The following SLCO3A1 variants were observed in gnomAD, a reference collection of about 807,000 sequenced individuals.
The protein encoded by SLCO3A1 is PGE1 transporter.
A neutral mutation model predicts 63.1 loss-of-function variants in SLCO3A1; 27 were observed. The observed-to-expected ratio is 0.43, with a 90% confidence interval of 0.32 to 0.59. The LOEUF is 0.59. Ranked by LOEUF, SLCO3A1 falls within the 20% of genes least tolerant of loss-of-function variation. The pLI, the probability that SLCO3A1 is intolerant of heterozygous loss-of-function variation, is 0.09. For synonymous variants in SLCO3A1, 473 were observed against 409.9 expected, an observed-to-expected ratio of 1.15 and a Z score of -1.86; for missense variants, 773 against 945.8, an observed-to-expected ratio of 0.82 and a Z score of 2.40.
Position 91,854,022 on chromosome 15 carries a change from C to T in SLCO3A1, c.114C>T (p.Asn38=). Residue 38 remains asparagine (N), a synonymous_variant, in exon 1 of 10, where the codon AAC becomes AAT. Transcript: ENST00000318445. The surrounding 1 kb of genome is among the most constrained non-coding windows in gnomAD (Gnocchi z 6.4). ...KKKKKVSCFS[N]IKIFLVSECA... ...AAAAGAAGGTGTCCTGCTTTTCCAA[C>T]ATCAAGATCTTCCTGGTGTCCGAGT... 6.5e-7 allele frequency: 1 copy of T among 1,545,074 alleles called. No individual in the cohort carries two copies. Among genetic ancestry groups the T allele is most frequent in the Non-Finnish European group, 8.7e-7 (1 of 1,144,568 alleles).
intron 2 of SLCO3A1, among the ~76,000 whole-genome samples, chr15:91,963,989 G>A (rs142585385): frequency 1.3e-5 from 2 of 152,048 alleles, no homozygotes; most frequent in Non-Finnish European, 2.9e-5. Context: ...TTTACAAAGT[G>A]CTGATTGGTG....
chr15:91,933,069 C>G (rs1402376255), intron 2 of SLCO3A1, among the ~76,000 whole-genome samples: 1 of 152,142 alleles, frequency 6.6e-6, no homozygotes, highest in Non-Finnish European at 1.5e-5. Context: ...GAGGAAAAAT[C>G]CTCCCCAATT....
chr15:92,143,985 G>C (rs1054109055), intron 7 of SLCO3A1, among the ~76,000 whole-genome samples: 1 of 152,212 alleles, frequency 6.6e-6, no homozygotes, highest in Non-Finnish European at 1.5e-5. Flanking sequence ...TGGGCATGGC[G>C]CCTCCACTGG....
At chr15:91,998,088 T>C (rs781224735) in intron 2 of SLCO3A1, among the ~76,000 whole-genome samples, 2 of 152,224 alleles carry the variant, frequency 1.3e-5, no homozygotes, top group African/African-American at 2.4e-5. Flanking sequence ...TTTCAAACTA[T>C]GCATTCGACA....
rs1897088764 is a variant in SLCO3A1, at chr15:91,863,213, A to G, written c.180+9125A>G. ...TAATCTCTTTGTTGGCTTTTGGGTC[A>G]GAGAATTGTTTAAAGTAGATCCACA... On this transcript the variant is annotated intron_variant, in intron 1 of 9. Transcript: ENST00000318445. This position sits in a 1 kb window ranked among gnomAD's most constrained non-coding sequence, Gnocchi z 4.3. Among the ~76,000 whole-genome samples the G allele has an allele frequency of 1.3e-5, 2 of 152,250 alleles. No individual in the cohort carries two copies. Among genetic ancestry groups the G allele is most frequent in the South Asian group, 4.1e-4 (2 of 4,834 alleles).
rs150901692 is a variant in SLCO3A1, at chr15:92,020,631, G to A, written c.647-74250G>A. On this transcript the variant is annotated intron_variant, in intron 2 of 9. Transcript: ENST00000318445. ...TGAGGAGGATGGATAGACAGTAAGAGGGATGGCACCGTGCATGCACCACCC... is the reference window on the plus strand; with the variant it reads ...TGAGGAGGATGGATAGACAGTAAGAAGGATGGCACCGTGCATGCACCACCC... Among the ~76,000 whole-genome samples, 403 of 152,322 alleles carry A rather than the reference G, an allele frequency of 2.6e-3. 1 individual carries two copies. The highest frequency in any genetic ancestry group is 9.1e-3 in the African/African-American group (380 of 41,576).
At chr15:92,143,560 A>T (rs541136874) in intron 7 of SLCO3A1, among the ~76,000 whole-genome samples, 1 of 126,332 alleles carries the variant, frequency 7.9e-6, no homozygotes, top group East Asian at 2.3e-4. Flanking sequence ...GAATACGGCC[A>T]CAGTGGTCTC....
chr15:91,915,681 CTG>C (rs1346699502), intron 1 of SLCO3A1, among the ~76,000 whole-genome samples: 1 of 151,952 alleles, frequency 6.6e-6, no homozygotes, highest in Admixed American at 6.6e-5. Flanking sequence ...TGGTGGAGGT[CTG>C]TGGGGGTGGG....
At chr15:91,919,622 G>T (rs550159399) in intron 2 of SLCO3A1, among the ~76,000 whole-genome samples, 1 of 152,284 alleles carries the variant, frequency 6.6e-6, no homozygotes, top group South Asian at 2.1e-4. Flanking sequence ...TCCATGTTGT[G>T]ATCTTCCATT....
At chr15:92,090,102 A>T (rs1303052402) in intron 2 of SLCO3A1, among the ~76,000 whole-genome samples, 4 of 152,170 alleles carry the variant, frequency 2.6e-5, no homozygotes, top group African/African-American at 9.7e-5. Flanking sequence ...GCAACTGCAC[A>T]GTTTCTGAAA....
intron 2 of SLCO3A1, among the ~76,000 whole-genome samples, chr15:91,946,231 A>G (rs1385115191): frequency 6.6e-6 from 1 of 152,116 alleles, no homozygotes; most frequent in African/African-American, 2.4e-5. Flanking sequence ...CTCTGCGGAG[A>G]GGTTGAGCCA....
At chr15:91,903,905 A>G (rs1489347940) in intron 1 of SLCO3A1, among the ~76,000 whole-genome samples, 1 of 152,196 alleles carries the variant, frequency 6.6e-6, no homozygotes, top group African/African-American at 2.4e-5. Context: ...GTTGTTGTAC[A>G]TGGATGAGGA....
chr15:92,120,381 AG>A, intron 4 of SLCO3A1, 83 bp from the exon 5 acceptor site: 1 of 1,414,048 alleles, frequency 7.1e-7, no homozygotes, highest in Admixed American at 2.0e-5. Flanking sequence ...CGGGCCAAGA[AG>A]GGGCCTTAGG....
intron 2 of SLCO3A1, among the ~76,000 whole-genome samples, chr15:92,080,301 C>T (rs1204296171): frequency 6.6e-6 from 1 of 152,172 alleles, no homozygotes. Flanking sequence ...CTGTACTGCC[C>T]CTATGGAAAA....
chr15:91,859,319 T>C lies in SLCO3A1; in HGVS notation c.180+5231T>C, dbSNP rs1407215156. Among the ~76,000 whole-genome samples the C allele has an allele frequency of 6.6e-6, 1 of 152,212 alleles. No homozygotes were observed. Among genetic ancestry groups the C allele is most frequent in the Non-Finnish European group, 1.5e-5 (1 of 68,038 alleles). On this transcript the variant is annotated intron_variant, in intron 1 of 9. Transcript: ENST00000318445. This position sits in a 1 kb window ranked among gnomAD's most constrained non-coding sequence, Gnocchi z 5.1. The stretch of plus-strand genomic sequence containing the variant: ...GCATCCTTACTCTTTCAATTCATTT[T>C]TATTTTCGGTTTCTATGTCTGTATC...
At chr15:91,934,890 T>G (rs1899353518) in intron 2 of SLCO3A1, among the ~76,000 whole-genome samples, 1 of 152,250 alleles carries the variant, frequency 6.6e-6, no homozygotes, top group South Asian at 2.1e-4. Context: ...CTTCGCCTTT[T>G]TATGGTAACA....
chr15:91,970,001 GA>G (rs2151428002), intron 2 of SLCO3A1, among the ~76,000 whole-genome samples: 1 of 152,292 alleles, frequency 6.6e-6, no homozygotes, highest in East Asian at 1.9e-4. Flanking sequence ...GATGAGCAAG[GA>G]AGTGTAGTGT....
intron 9 of SLCO3A1, chr15:92,151,256 G>T (rs921092886): frequency 3.7e-5 from 15 of 404,312 alleles, no homozygotes; most frequent in South Asian, 1.2e-4. Context: ...AATTCTCATC[G>T]GCATAAGGAG....
intron 2 of SLCO3A1, among the ~76,000 whole-genome samples, chr15:92,023,478 T>C (rs370960622): frequency 1.6e-4 from 25 of 152,152 alleles, no homozygotes; most frequent in Admixed American, 1.4e-3. Flanking sequence ...TTTTTCTTTT[T>C]TTTTTTTAAG....
Sources: allele counts gnomAD v4.1 joint callset (sites outside exome capture counted in the v4.1 genomes callset), GRCh38; gene constraint gnomAD v4.1.1; non-coding constraint Gnocchi (gnomAD v3.1); transcripts MANE v1.5; gene names NCBI Gene and HGNC (gene_info 2026-07-23, HGNC 2026-07-21).